PARN: variants seen among roughly 807,000 people sequenced by gnomAD.
PARN encodes the protein poly(A)-specific ribonuclease PARN.
Under a neutral mutation model 102.8 loss-of-function variants are expected in PARN, and 71 were observed. The observed-to-expected ratio is 0.69, with a 90% CI of 0.57 to 0.84. The LOEUF (loss-of-function observed/expected upper bound fraction) is 0.84, where lower values mean the gene tolerates loss of function less well. Among genes scored for constraint, PARN ranks in the 40% least tolerant of loss-of-function variants. The probability of loss-of-function intolerance (pLI) is 0.00; values close to 1 mark genes in which losing one functional copy is unlikely to be tolerated. For synonymous variants in PARN, 261 were observed against 252.9 expected (o/e 1.03, Z -0.30); for missense variants, 782 against 760.9 (o/e 1.03, Z -0.33).
At chr16:14,439,875 C>T (rs1567280300) in intron 23 of PARN, among the ~76,000 whole-genome samples, 1 of 151,758 alleles carries the variant, frequency 6.6e-6, no homozygotes, top group South Asian at 2.1e-4. Flanking sequence ...ATTAGCTGGG[C>T]GTGGTGGCAG....
chr16:14,626,523 G>A (rs1157105298), intron 5 of PARN, among the ~76,000 whole-genome samples: 8 of 152,000 alleles, frequency 5.3e-5, no homozygotes, highest in South Asian at 2.1e-4. Context: ...ATGGAGTTAC[G>A]AAACTATGTT....
chr16:14,534,911 C>T (rs543595411), intron 21 of PARN, among the ~76,000 whole-genome samples: 5 of 151,768 alleles, frequency 3.3e-5, no homozygotes, highest in Non-Finnish European at 7.4e-5. Context: ...CTCGGCTCAC[C>T]ACAACCTCCA....
chr16:14,522,674 G>A (rs1403953450), intron 21 of PARN, among the ~76,000 whole-genome samples: 2 of 152,174 alleles, frequency 1.3e-5, no homozygotes, highest in Non-Finnish European at 2.9e-5. Flanking sequence ...CCTCAGACCT[G>A]TGTGGCACAG....
intron 5 of PARN, among the ~76,000 whole-genome samples, chr16:14,626,750 T>C (rs1347953383): frequency 6.6e-6 from 1 of 152,046 alleles, no homozygotes; most frequent in South Asian, 2.1e-4. Flanking sequence ...GTAGCTGGGA[T>C]TACAGGCACC....
intron 18 of PARN, among the ~76,000 whole-genome samples, chr16:14,572,794 CAT>C (rs1388040670): frequency 5.3e-5 from 8 of 152,214 alleles, no homozygotes; most frequent in Non-Finnish European, 1.2e-4. Context: ...CACAAGCTAA[CAT>C]AGTTTCTTTT....
chr16:14,467,283 A>G (rs1962419472), intron 22 of PARN, among the ~76,000 whole-genome samples: 1 of 152,190 alleles, frequency 6.6e-6, no homozygotes, highest in African/African-American at 2.4e-5. Flanking sequence ...GGCCCACCTG[A>G]TAGGCTGCTC....
intron 23 of PARN, among the ~76,000 whole-genome samples, chr16:14,442,667 G>C (rs1156931414): frequency 7.2e-5 from 11 of 151,972 alleles, no homozygotes; most frequent in African/African-American, 2.7e-4. Flanking sequence ...ACCCAAGCTG[G>C]AGTGCAGTGG....
intron 18 of PARN, among the ~76,000 whole-genome samples, chr16:14,570,341 A>G (rs955618279): frequency 6.6e-6 from 1 of 150,422 alleles, no homozygotes; most frequent in African/African-American, 2.4e-5. Context: ...AAAAAAAAAA[A>G]AAAAAAAGAA....
At chr16:14,564,485 T>G (rs571504133) in intron 18 of PARN, among the ~76,000 whole-genome samples, 31 of 152,284 alleles carry the variant, frequency 2.0e-4, no homozygotes, top group African/African-American at 7.5e-4. Context: ...CAAAGCAAGC[T>G]GCTACCTGGG....
chr16:14,538,090 A>G (rs944437661), intron 21 of PARN, among the ~76,000 whole-genome samples: 1 of 152,172 alleles, frequency 6.6e-6, no homozygotes, highest in African/African-American at 2.4e-5. Context: ...AACTAAAATT[A>G]AAGGGGAAAT....
intron 23 of PARN, among the ~76,000 whole-genome samples, chr16:14,438,550 A>G (rs1207907044): frequency 6.6e-6 from 1 of 151,990 alleles, no homozygotes; most frequent in African/African-American, 2.4e-5. Flanking sequence ...GGAGTAAGGC[A>G]AGTCAAGTTG....
chr16:14,453,200 T>C (rs761432247), intron 22 of PARN, among the ~76,000 whole-genome samples: 1 of 152,196 alleles, frequency 6.6e-6, no homozygotes, highest in Non-Finnish European at 1.5e-5. Context: ...AAAAATAAAA[T>C]GTCACAGACA....
chr16:14,509,106 T>C (rs1965055697), intron 21 of PARN, among the ~76,000 whole-genome samples: 1 of 152,056 alleles, frequency 6.6e-6, no homozygotes, highest in African/African-American at 2.4e-5. Flanking sequence ...AGACGCCCCT[T>C]TGCAATGAGA....
intron 10 of PARN, among the ~76,000 whole-genome samples, chr16:14,605,936 C>T (rs1293153146): frequency 6.6e-6 from 1 of 152,202 alleles, no homozygotes; most frequent in Non-Finnish European, 1.5e-5. Context: ...TACAAGGCAT[C>T]ACTTCCACTT....
chr16:14,558,075 C>T (rs1428580415), intron 18 of PARN, among the ~76,000 whole-genome samples: 2 of 152,122 alleles, frequency 1.3e-5, no homozygotes, highest in Non-Finnish European at 2.9e-5. Flanking sequence ...TTCAGTTCTC[C>T]GTTTAGTAAA....
chr16:14,534,221 G>GA (rs1214382920), intron 21 of PARN, among the ~76,000 whole-genome samples: 3,791 of 59,302 alleles, frequency 0.064, 82 homozygotes, highest in Non-Finnish European at 0.093. Flanking sequence ...CCCTGTCTCA[G>GA]AAAAAAAAAA....
intron 21 of PARN, among the ~76,000 whole-genome samples, chr16:14,495,406 C>A (rs1365040691): frequency 1.3e-5 from 2 of 152,104 alleles, no homozygotes; most frequent in African/African-American, 4.8e-5. Context: ...GAGTTTGAGG[C>A]TGTAGTGAGC....
chr16:14,549,665 G>T (rs1250734357), intron 21 of PARN, among the ~76,000 whole-genome samples: 1 of 152,206 alleles, frequency 6.6e-6, no homozygotes, highest in African/African-American at 2.4e-5. Flanking sequence ...AATCATGCTT[G>T]TATTTTCAAA....
At chr16:14,477,805 G>GGAAGGGAAGGGAAGA (rs1963154639) in intron 22 of PARN, among the ~76,000 whole-genome samples, 1 of 151,634 alleles carries the variant, frequency 6.6e-6, no homozygotes, top group Admixed American at 6.6e-5. Flanking sequence ...GGGAAAAGGG[G>GGAAGGGAAGGGAAGA]GAAGGGAAGG....
Sources: gnomAD v4.1 joint callset for allele counts (sites outside exome capture counted in the v4.1 genomes callset) on GRCh38, gnomAD v4.1.1 for gene constraint, MANE v1.5 for transcripts, NCBI Gene and HGNC (gene_info 2026-07-23, HGNC 2026-07-21) for gene names.